Variants in TRAPPC8 observed in about 807,000 individuals in gnomAD.
TRAPPC8 encodes trafficking protein particle complex subunit 8.
A neutral mutation model predicts 174.3 loss-of-function variants in TRAPPC8; 54 were observed. That is an observed-to-expected ratio of 0.31 (90% CI 0.25 to 0.39). The LOEUF (loss-of-function observed/expected upper bound fraction) is 0.39, where lower values mean the gene tolerates loss of function less well. Among genes scored for constraint, TRAPPC8 ranks in the 10% least tolerant of loss-of-function variants. The probability of loss-of-function intolerance (pLI) is 1.00; values close to 1 mark genes in which losing one functional copy is unlikely to be tolerated. For missense variants in TRAPPC8, 1,531 were observed against 1,699.1 expected (o/e 0.90, Z 1.74); for synonymous variants, 630 against 579.9 (o/e 1.09, Z -1.24).
At position 31,935,553 on chromosome 18, in the gene TRAPPC8, A is replaced by AAAAAAAAAAAAAAAAAAAAAAAAAAC. The variant is rs2038058167; in HGVS notation, c.158-4031_158-4030insGTTTTTTTTTTTTTTTTTTTTTTTTT. On this transcript the variant is annotated intron_variant, in intron 1 of 28. Coordinates refer to ENST00000283351, the MANE Select transcript of TRAPPC8 (RefSeq NM_014939.5). The stretch of plus-strand genomic sequence containing the variant: ...ACAAGAGCGAAACTCCATCTTAAAA[A>AAAAAAAAAAAAAAAAAAAAAAAAAAC]AAAAAAAAAAAAAAAGCAGGCTTTA... Among the ~76,000 whole-genome samples the AAAAAAAAAAAAAAAAAAAAAAAAAAC allele has an allele frequency of 1.6e-5, 2 of 125,826 alleles. 1 individual carries two copies. The highest frequency in any genetic ancestry group is 3.5e-5 in the Non-Finnish European group (2 of 57,098). 82.5% of individuals were successfully genotyped at this position (125,826 alleles called of 152,430 possible). A position where few individuals can be genotyped will look rare whatever the true frequency, so the allele number is the denominator to read the frequency against.
intron 16 of TRAPPC8, among the ~76,000 whole-genome samples, chr18:31,868,165 T>A (rs910156881): frequency 6.6e-6 from 1 of 152,166 alleles, no homozygotes; most frequent in Non-Finnish European, 1.5e-5. Context: ...TCTCTGGTCA[T>A]GTAGCAAAGC....
chr18:31,907,740 C>T (rs1322058351), intron 8 of TRAPPC8, 130 bp from the exon 9 acceptor site: 1 of 727,866 alleles, frequency 1.4e-6, no homozygotes, highest in Non-Finnish European at 2.0e-6. Flanking sequence ...AGAAATTCTA[C>T]CTCCAACAAG....
intron 24 of TRAPPC8, 34 bp downstream of exon 24, chr18:31,852,412 T>G: frequency 6.2e-7 from 1 of 1,611,266 alleles, no homozygotes; most frequent in Admixed American, 1.7e-5. Context: ...TAACTATGAC[T>G]TAACATCAAA....
chr18:31,889,799 T>C (rs1344469940), intron 12 of TRAPPC8, among the ~76,000 whole-genome samples: 2 of 152,196 alleles, frequency 1.3e-5, no homozygotes, highest in African/African-American at 2.4e-5. Context: ...GAACCCAATT[T>C]TGAAATGTTG....
chr18:31,933,296 G>A (rs1237630092), intron 1 of TRAPPC8, among the ~76,000 whole-genome samples: 14 of 115,092 alleles, frequency 1.2e-4, no homozygotes, highest in Admixed American at 4.7e-4. Context: ...GCGAGACTCC[G>A]TCTCAAAAAA....
intron 12 of TRAPPC8, among the ~76,000 whole-genome samples, chr18:31,880,090 A>AAAAAT (rs1259899654): frequency 0.011 from 947 of 85,078 alleles, 12 homozygotes; most frequent in Non-Finnish European, 0.015. Flanking sequence ...TGAAAAAAAA[A>AAAAAT]ATATATATAT....
Position 31,857,848 on chromosome 18 carries a change from G to C in TRAPPC8, c.2880C>G (p.Phe960Leu), listed in dbSNP as rs370047547. ...VVSKRPEFFTFGGNTAVLTPL... is the reference protein window; with the variant it reads ...VVSKRPEFFTLGGNTAVLTPL... ...GTGTTAGAACAGCAGTATTACCACC[G>C]AAAGTAAAGAACTCTGGACGTTTAG... The change falls in exon 20 of 29, where the codon TTC (phenylalanine) becomes TTG (leucine). Residue 960 changes from phenylalanine to leucine, a missense_variant. Coordinates refer to ENST00000283351, the MANE Select transcript of TRAPPC8 (RefSeq NM_014939.5). 2 of 1,614,152 alleles carry C rather than the reference G, an allele frequency of 1.2e-6. No individual in the cohort carries two copies. Among genetic ancestry groups the C allele is most frequent in the Non-Finnish European group, 1.7e-6 (2 of 1,180,032 alleles).
intron 1 of TRAPPC8, among the ~76,000 whole-genome samples, chr18:31,935,161 A>G (rs1273132204): frequency 6.6e-6 from 1 of 150,408 alleles, no homozygotes; most frequent in East Asian, 2.0e-4. Flanking sequence ...CCTGACCAAC[A>G]TAGAGAAACC....
rs555732291 is a variant in TRAPPC8, at chr18:31,873,501, T to C, written c.1991A>G (p.Gln664Arg). The C allele has an allele frequency of 1.2e-5, 20 of 1,613,824 alleles. No individual in the cohort carries two copies. The highest frequency in any genetic ancestry group is 1.7e-4 in the Middle Eastern group (1 of 6,058). Residue 664 changes from glutamine to arginine, a missense_variant, in exon 14 of 29, where the codon CAG becomes CGG. Physicochemically the swap from Gln to Arg is conservative, Grantham distance 43. Transcript: ENST00000283351. The part of the protein sequence containing the change: ...SQLSPDGPLP[Q>R]LPLPYINSSA... ...ACTGTTAATATACGGTAAAGGAAGC[T>C]GTGGCAAAGGACCATCTGGTGACAG...
chr18:31,847,230 T>C (rs890383151), intron 25 of TRAPPC8, among the ~76,000 whole-genome samples: 1 of 152,198 alleles, frequency 6.6e-6, no homozygotes, highest in Non-Finnish European at 1.5e-5. Flanking sequence ...GCAAAATCAG[T>C]GAGTACAATC....
chr18:31,940,535 T>G (rs1393902946), intron 1 of TRAPPC8, among the ~76,000 whole-genome samples: 1 of 152,050 alleles, frequency 6.6e-6, no homozygotes, highest in Admixed American at 6.6e-5. Context: ...CTACTAAAAT[T>G]TTTTGTTGTT....
At chr18:31,928,747 T>C (rs1198912498) in intron 2 of TRAPPC8, among the ~76,000 whole-genome samples, 1 of 152,166 alleles carries the variant, frequency 6.6e-6, no homozygotes, top group Non-Finnish European at 1.5e-5. Flanking sequence ...TTATAAACTT[T>C]AAAGCATGTG....
At chr18:31,924,461 C>T (rs1051852152) in intron 2 of TRAPPC8, among the ~76,000 whole-genome samples, 4 of 123,284 alleles carry the variant, frequency 3.2e-5, no homozygotes, top group East Asian at 2.3e-4. Flanking sequence ...CCCTCCCCAC[C>T]GAAAAAAAAA....
At chr18:31,899,197 C>A (rs534811208) in intron 10 of TRAPPC8, among the ~76,000 whole-genome samples, 5 of 152,232 alleles carry the variant, frequency 3.3e-5, no homozygotes, top group African/African-American at 1.2e-4. Context: ...TTTATAAACT[C>A]CCTTAAATCT....
At position 31,917,494 on chromosome 18, in the gene TRAPPC8, A is replaced by C. The variant is rs1292105941; in HGVS notation, c.442+84T>G. On this transcript the variant is annotated intron_variant, in intron 3 of 28. Transcript: ENST00000283351. ...AATTTATCTATTCTCTGTATCTTCA[A>C]CAATTTTGCCTTCATTAACTATTTC... 5.1e-6 allele frequency: 6 copies of C among 1,183,588 alleles called. No individual in the cohort carries two copies. The East Asian group carries it at 1.4e-4, about 28-fold the overall frequency. The allele number at this position is 1,183,588 out of a possible 1,614,324, so 73.3% of individuals were successfully genotyped here.
At chr18:31,847,425 TCTA>T (rs1384063149) in intron 25 of TRAPPC8, among the ~76,000 whole-genome samples, 1 of 152,232 alleles carries the variant, frequency 6.6e-6, no homozygotes, top group African/African-American at 2.4e-5. Context: ...ATGGCTCTGA[TCTA>T]CTGTCATTAT....
intron 4 of TRAPPC8, among the ~76,000 whole-genome samples, chr18:31,915,054 G>T (rs1306885470): frequency 6.6e-6 from 1 of 152,144 alleles, no homozygotes; most frequent in Non-Finnish European, 1.5e-5. Context: ...CAAAGAAAGA[G>T]AAATAATTTT....
chr18:31,890,861 A>T lies in TRAPPC8; in HGVS notation c.1602T>A (p.Ser534=). Residue 534 remains serine, a synonymous_variant, in exon 12 of 29, where the codon TCT becomes TCA. Coordinates refer to ENST00000283351, the MANE Select transcript of TRAPPC8 (RefSeq NM_014939.5). The part of the protein sequence containing the change: ...ALLIRLTSED[S]DLRSALLLEQ... The stretch of plus-strand genomic sequence containing the variant: ...CCAAAAGAAGTGCACTTCGAAGATC[A>T]GAATCCTAGTGAATGTTTAAAAGAG... The T allele has an allele frequency of 6.2e-7, 1 of 1,606,930 alleles. No individual in the cohort carries two copies. Among genetic ancestry groups the T allele is most frequent in the Non-Finnish European group, 8.5e-7 (1 of 1,177,124 alleles).
At chr18:31,872,756 C>CTA (rs1261222017) in intron 14 of TRAPPC8, among the ~76,000 whole-genome samples, 3 of 151,816 alleles carry the variant, frequency 2.0e-5, no homozygotes, top group African/African-American at 4.8e-5. Flanking sequence ...TGGAAACAGT[C>CTA]TATATATATC....
Sources: gnomAD v4.1 joint callset for allele counts (sites outside exome capture counted in the v4.1 genomes callset) on GRCh38, gnomAD v4.1.1 for gene constraint, MANE v1.5 for transcripts, NCBI Gene and HGNC (gene_info 2026-07-23, HGNC 2026-07-21) for gene names.